Variants in HTR1F observed in about 807,000 individuals in gnomAD.
The protein encoded by HTR1F is 5-hydroxytryptamine receptor 1F.
A neutral mutation model predicts 24.0 loss-of-function variants in HTR1F; 17 were observed. The ratio of observed to expected loss-of-function variants is 0.71; its 90% CI spans 0.48 to 1.06. The LOEUF (loss-of-function observed/expected upper bound fraction) is 1.06, where lower values mean the gene tolerates loss of function less well. Among genes scored for constraint, HTR1F ranks in the 50% least tolerant of loss-of-function variants. The pLI is 0.00. For missense variants in HTR1F, 391 were observed against 427.8 expected (o/e 0.91, Z 0.76); for synonymous variants, 186 against 156.8 (o/e 1.19, Z -1.39).
At chr3:87,948,254 C>T (rs1367180293) in intron 2 of HTR1F, among the ~76,000 whole-genome samples, 2 of 152,082 alleles carry the variant, frequency 1.3e-5, no homozygotes, top group South Asian at 2.1e-4. Context: ...ATTATAATAA[C>T]TTCTGTGAAC....
intron 2 of HTR1F, among the ~76,000 whole-genome samples, chr3:87,929,485 G>C (rs1446003417): frequency 6.6e-6 from 1 of 152,046 alleles, no homozygotes; most frequent in Non-Finnish European, 1.5e-5. Flanking sequence ...AGTAATAATA[G>C]GATATAATTT....
chr3:87,947,858 T>C (rs1465509947), intron 2 of HTR1F, among the ~76,000 whole-genome samples: 1 of 152,186 alleles, frequency 6.6e-6, no homozygotes, highest in African/African-American at 2.4e-5. Context: ...TGCTAATATA[T>C]CTTTCTTAAC....
intron 2 of HTR1F, among the ~76,000 whole-genome samples, chr3:87,899,543 A>T (rs940036533): frequency 2.0e-5 from 3 of 152,162 alleles, no homozygotes; most frequent in Admixed American, 2.0e-4. Flanking sequence ...TAGTAATTTT[A>T]AATAGCCTAA....
intron 2 of HTR1F, among the ~76,000 whole-genome samples, chr3:87,944,163 T>C (rs1385829275): frequency 6.6e-6 from 1 of 152,166 alleles, no homozygotes; most frequent in Non-Finnish European, 1.5e-5. Flanking sequence ...AGTGGTCCTT[T>C]ACTAGTGTGC....
intron 2 of HTR1F, among the ~76,000 whole-genome samples, chr3:87,873,121 CACACACACACACAG>C (rs1458645163): frequency 1.9e-4 from 27 of 142,736 alleles, no homozygotes; most frequent in Admixed American, 1.3e-3. Flanking sequence ...CACACACACA[CACACACACACACAG>C]AGAGATTTAT....
chr3:87,965,073 C>A (rs1705135953), intron 2 of HTR1F, among the ~76,000 whole-genome samples: 1 of 152,174 alleles, frequency 6.6e-6, no homozygotes, highest in Non-Finnish European at 1.5e-5. Flanking sequence ...GTCCATTAAA[C>A]CTCTTTTTTA....
chr3:87,895,248 T>G (rs1706173659), intron 2 of HTR1F, among the ~76,000 whole-genome samples: 1 of 152,156 alleles, frequency 6.6e-6, no homozygotes, highest in South Asian at 2.1e-4. Context: ...ATAATATGTG[T>G]GTAAATATGT....
chr3:87,886,113 C>T (rs77619543), intron 2 of HTR1F, among the ~76,000 whole-genome samples: 33 of 152,178 alleles, frequency 2.2e-4, no homozygotes, highest in African/African-American at 7.5e-4. Flanking sequence ...CAAACTGAAT[C>T]TAGCATCACA....
At chr3:87,984,862 G>A (rs1453974569) in intron 2 of HTR1F, among the ~76,000 whole-genome samples, 1 of 152,116 alleles carries the variant, frequency 6.6e-6, no homozygotes, top group Non-Finnish European at 1.5e-5. Flanking sequence ...AAGAGCAAAA[G>A]GGAAGTCTCA....
intron 2 of HTR1F, among the ~76,000 whole-genome samples, chr3:87,982,704 C>A (rs1392218145): frequency 1.3e-5 from 2 of 152,148 alleles, no homozygotes; most frequent in Non-Finnish European, 2.9e-5. Flanking sequence ...AAATTTCTAA[C>A]CCTCAGAGGA....
intron 2 of HTR1F, among the ~76,000 whole-genome samples, chr3:87,947,322 A>G (rs1313792980): frequency 6.6e-6 from 1 of 152,184 alleles, no homozygotes; most frequent in East Asian, 1.9e-4. Context: ...AGTGGTTTGG[A>G]CAGATAAGAT....
intron 2 of HTR1F, among the ~76,000 whole-genome samples, chr3:87,970,691 C>G (rs139614957): frequency 1.2e-4 from 19 of 152,304 alleles, no homozygotes; most frequent in African/African-American, 4.3e-4. Flanking sequence ...CCCTTGTTTT[C>G]AAGACACGGA....
intron 2 of HTR1F, among the ~76,000 whole-genome samples, chr3:87,823,221 T>TC (rs1479750710): frequency 6.6e-6 from 1 of 152,212 alleles, no homozygotes; most frequent in Non-Finnish European, 1.5e-5. Flanking sequence ...GCAAATTTTG[T>TC]AACAGTTTAT....
chr3:87,957,077 A>C (rs575178119), intron 2 of HTR1F, among the ~76,000 whole-genome samples: 1 of 151,418 alleles, frequency 6.6e-6, no homozygotes, highest in South Asian at 2.1e-4. Context: ...ACAGGACGTT[A>C]GGTGCAGATT....
At chr3:87,927,490 T>C (rs1367133334) in intron 2 of HTR1F, among the ~76,000 whole-genome samples, 4 of 152,254 alleles carry the variant, frequency 2.6e-5, no homozygotes, top group African/African-American at 9.6e-5. Context: ...CTTCAATTGA[T>C]CTCTACAGTC....
rs946689385 is a variant in HTR1F at position 87,968,215 on chromosome 3, AT to A, written c.-42-22479del. Among the ~76,000 whole-genome samples the A allele has an allele frequency of 6.5e-3, 946 of 145,278 alleles. 1 individual carries two copies. Among genetic ancestry groups the A allele is most frequent in the African/African-American group, 8.7e-3 (348 of 39,940 alleles). On this transcript the variant is annotated intron_variant, in intron 2 of 2. Coordinates refer to ENST00000319595, the MANE Select transcript of HTR1F (RefSeq NM_001322209.2). ...TGATTTAGGGCATCTAGCAGAAGAAATTTTTTTTTTTTTTGAGACAGAGTTT... is the reference window on the plus strand; with the variant it reads ...TGATTTAGGGCATCTAGCAGAAGAAATTTTTTTTTTTTTGAGACAGAGTTT...
intron 2 of HTR1F, among the ~76,000 whole-genome samples, chr3:87,942,464 C>T (rs1360326423): frequency 2.0e-5 from 3 of 152,098 alleles, no homozygotes; most frequent in Admixed American, 1.3e-4. Flanking sequence ...TGGCGCTTGC[C>T]CCGGGCACCC....
intron 2 of HTR1F, among the ~76,000 whole-genome samples, chr3:87,831,529 A>AT (rs1323520066): frequency 6.6e-6 from 1 of 151,712 alleles, no homozygotes; most frequent in East Asian, 1.9e-4. Context: ...CGCCCGGCTA[A>AT]TTTTTTGTAT....
At chr3:87,880,493 G>A (rs1575980365) in intron 2 of HTR1F, among the ~76,000 whole-genome samples, 1 of 152,070 alleles carries the variant, frequency 6.6e-6, no homozygotes, top group African/African-American at 2.4e-5. Flanking sequence ...TGGTATAAAG[G>A]ATTGTTTTTA....
Sources: allele counts gnomAD v4.1 joint callset (sites outside exome capture counted in the v4.1 genomes callset), GRCh38; gene constraint gnomAD v4.1.1; transcripts MANE v1.5; gene names NCBI Gene and HGNC (gene_info 2026-07-23, HGNC 2026-07-21).